The following KCNMB2 variants were observed in gnomAD, a reference collection of about 807,000 sequenced individuals.
The protein encoded by KCNMB2 is calcium-activated potassium channel subunit beta-2.
KCNMB2 carries 9 observed loss-of-function variants against 24.5 expected under a neutral mutation model. The observed-to-expected ratio is 0.37, with a 90% CI of 0.22 to 0.64. The LOEUF is 0.64. Among genes scored for constraint, KCNMB2 ranks in the 30% least tolerant of loss-of-function variants. The probability of loss-of-function intolerance (pLI) is 0.63; values close to 1 mark genes in which losing one functional copy is unlikely to be tolerated. For missense variants in KCNMB2, 226 were observed against 284.3 expected (o/e 0.79, Z 1.47); for synonymous variants, 109 against 104.4 (o/e 1.04, Z -0.27).
rs755809548 is a variant in KCNMB2, at chr3:178,754,150, GTATA to G, written c.-67-53168_-67-53165del. Among the ~76,000 whole-genome samples the G allele has an allele frequency of 6.2e-3, 660 of 106,250 alleles. 5 individuals are homozygous for G. The highest frequency in any genetic ancestry group is 0.022 in the African/African-American group (580 of 26,578). The allele number at this position is 106,250 out of a possible 152,430, so 69.7% of individuals were successfully genotyped here. ...TTTCATGGCTGAATAATATTCCATT[GTATA>G]TATATATATATATATATATATATAC... On this transcript the variant is annotated intron_variant, in intron 1 of 4. Coordinates refer to ENST00000452583, the MANE Select transcript of KCNMB2 (RefSeq NM_181361.3).
At chr3:178,650,900 G>C (rs1442682045) in intron 1 of KCNMB2, among the ~76,000 whole-genome samples, 1 of 152,118 alleles carries the variant, frequency 6.6e-6, no homozygotes, top group Non-Finnish European at 1.5e-5. Flanking sequence ...GGTATTGATG[G>C]AACGTATCTC....
rs113258482 is a variant in KCNMB2, at chr3:178,666,986, A to T, written c.-68+130275A>T. ...GTTTTCCCAGATATTTTAAATCACC[A>T]CTAGATTACTTATAATACTTAATAC... On this transcript the variant is annotated intron_variant, in intron 1 of 4. Transcript: ENST00000452583. 1.1e-3 allele frequency among the ~76,000 whole-genome samples: 166 copies of T among 152,298 alleles called. 1 individual carries two copies. The highest frequency in any genetic ancestry group is 3.8e-3 in the African/African-American group (160 of 41,568).
chr3:178,542,205 T>C (rs1715642522), intron 1 of KCNMB2, among the ~76,000 whole-genome samples: 3 of 152,190 alleles, frequency 2.0e-5, no homozygotes, highest in African/African-American at 7.2e-5. Context: ...GCTATTCCTT[T>C]TGCAGCACCG....
At chr3:178,690,378 A>C (rs1432887192) in intron 1 of KCNMB2, among the ~76,000 whole-genome samples, 3 of 152,174 alleles carry the variant, frequency 2.0e-5, no homozygotes, top group Non-Finnish European at 2.9e-5. Flanking sequence ...ATGCTAAAAC[A>C]CTTTAAAGAG....
intron 1 of KCNMB2, among the ~76,000 whole-genome samples, chr3:178,788,735 G>A (rs1485855144): frequency 6.6e-6 from 1 of 152,152 alleles, no homozygotes; most frequent in Non-Finnish European, 1.5e-5. Flanking sequence ...TCTGATAGCT[G>A]TGATGACCAT....
At chr3:178,668,020 A>G (rs144901969) in intron 1 of KCNMB2, among the ~76,000 whole-genome samples, 1 of 152,278 alleles carries the variant, frequency 6.6e-6, no homozygotes, top group African/African-American at 2.4e-5. Flanking sequence ...AATATTATAC[A>G]TGGATCAGTC....
chr3:178,638,376 T>A (rs1481001523), intron 1 of KCNMB2, among the ~76,000 whole-genome samples: 3 of 152,136 alleles, frequency 2.0e-5, no homozygotes, highest in Non-Finnish European at 4.4e-5. Flanking sequence ...CATGGTCCTT[T>A]CTTTATATTT....
intron 1 of KCNMB2, among the ~76,000 whole-genome samples, chr3:178,725,294 T>C (rs1471586171): frequency 6.6e-6 from 1 of 152,004 alleles, no homozygotes; most frequent in African/African-American, 2.4e-5. Flanking sequence ...TGAGATTACA[T>C]TCTTGATTTT....
chr3:178,759,127 ATCTCCAAGAGGGATATATATATATATC>A (rs1577161404), intron 1 of KCNMB2, among the ~76,000 whole-genome samples: 2 of 63,514 alleles, frequency 3.1e-5, no homozygotes, highest in Non-Finnish European at 2.8e-5. Flanking sequence ...ATATATATAT[ATCTCCAAGAGGGATATATATATATATC>A]TATCTCCAAG....
chr3:178,549,661 C>A (rs1715883980), intron 1 of KCNMB2, among the ~76,000 whole-genome samples: 1 of 152,006 alleles, frequency 6.6e-6, no homozygotes, highest in African/African-American at 2.4e-5. Context: ...GAGCACACAG[C>A]AGTTTTAACA....
chr3:178,641,082 C>T (rs1466701489), intron 1 of KCNMB2, among the ~76,000 whole-genome samples: 3 of 152,168 alleles, frequency 2.0e-5, no homozygotes, highest in Non-Finnish European at 2.9e-5. Context: ...CAATACTACA[C>T]TGTCATGATT....
At chr3:178,656,962 A>C (rs1720367362) in intron 1 of KCNMB2, among the ~76,000 whole-genome samples, 1 of 152,066 alleles carries the variant, frequency 6.6e-6, no homozygotes, top group South Asian at 2.1e-4. Context: ...AGTCAAACCC[A>C]AATGCAGGGT....
chr3:178,717,408 T>A (rs969677088), intron 1 of KCNMB2, among the ~76,000 whole-genome samples: 16 of 152,136 alleles, frequency 1.1e-4, no homozygotes, highest in Admixed American at 8.5e-4. Flanking sequence ...ATTTCCTTCC[T>A]TGGCTGTAAA....
intron 1 of KCNMB2, among the ~76,000 whole-genome samples, chr3:178,739,492 C>T (rs577961068): frequency 2.0e-5 from 3 of 152,296 alleles, no homozygotes; most frequent in African/African-American, 7.2e-5. Context: ...GTTCAACATA[C>T]TGAGTCTGAC....
At chr3:178,794,754 G>A (rs1577194028) in intron 1 of KCNMB2, among the ~76,000 whole-genome samples, 1 of 152,200 alleles carries the variant, frequency 6.6e-6, no homozygotes, top group African/African-American at 2.4e-5. Flanking sequence ...TTGCTGGAAA[G>A]GAGGGCTGGA....
At chr3:178,689,707 C>T (rs1177204583) in intron 1 of KCNMB2, among the ~76,000 whole-genome samples, 1 of 152,152 alleles carries the variant, frequency 6.6e-6, no homozygotes, top group Non-Finnish European at 1.5e-5. Context: ...CTGGAAAATA[C>T]CTCTTTCTCC....
chr3:178,731,891 G>A (rs1577133671), intron 1 of KCNMB2, among the ~76,000 whole-genome samples: 1 of 152,178 alleles, frequency 6.6e-6, no homozygotes, highest in African/African-American at 2.4e-5. Context: ...CAACAAGAGC[G>A]AAACTCCGTC....
chr3:178,548,743 C>A (rs950601633), intron 1 of KCNMB2, among the ~76,000 whole-genome samples: 8 of 152,212 alleles, frequency 5.3e-5, no homozygotes, highest in Non-Finnish European at 1.2e-4. Context: ...AATCTTTGAA[C>A]TCCTTCAGCA....
intron 1 of KCNMB2, among the ~76,000 whole-genome samples, chr3:178,688,923 G>A (rs1243115213): frequency 1.3e-5 from 2 of 152,080 alleles, no homozygotes; most frequent in Non-Finnish European, 2.9e-5. Flanking sequence ...TATTTGAACA[G>A]CAAGTGTTTC....
Sources: gnomAD v4.1 joint callset for allele counts (sites outside exome capture counted in the v4.1 genomes callset) on GRCh38, gnomAD v4.1.1 for gene constraint, MANE v1.5 for transcripts, NCBI Gene and HGNC (gene_info 2026-07-23, HGNC 2026-07-21) for gene names.